The following FSTL4 variants were observed in gnomAD, a reference collection of about 807,000 sequenced individuals.
FSTL4 encodes the protein follistatin like 4, also known as follistatin-related protein 4.
Under a neutral mutation model 78.2 loss-of-function variants are expected in FSTL4, and 28 were observed. The observed-to-expected ratio is 0.36, with a 90% CI of 0.27 to 0.49. FSTL4 has a LOEUF of 0.49. Ranked by LOEUF, FSTL4 falls within the 20% of genes least tolerant of loss-of-function variation. The pLI is 0.98. For missense variants in FSTL4, 922 were observed against 1,084.9 expected, an observed-to-expected ratio of 0.85 and a Z score of 2.11; for synonymous variants, 422 against 440.5, an observed-to-expected ratio of 0.96 and a Z score of 0.53.
the FSTL4 span, among the ~76,000 whole-genome samples, chr5:133,707,394 C>A: frequency 6.6e-6 from 1 of 152,186 alleles, no homozygotes; most frequent in Non-Finnish European, 1.5e-5. Context: ...AAAGGTCAAT[C>A]AATCACTCCA....
At chr5:133,750,967 C>G in the FSTL4 span, among the ~76,000 whole-genome samples, 1 of 152,150 alleles carries the variant, frequency 6.6e-6, no homozygotes, top group Non-Finnish European at 1.5e-5. Flanking sequence ...GTGGGCCACT[C>G]TGCACTTCCA....
At chr5:133,643,855 C>T in the FSTL4 span, among the ~76,000 whole-genome samples, 5 of 152,104 alleles carry the variant, frequency 3.3e-5, no homozygotes, top group African/African-American at 7.2e-5. Context: ...CCCATACGTA[C>T]AAGGAGGAAG....
At chr5:133,762,272 G>A in the FSTL4 span, among the ~76,000 whole-genome samples, 1 of 152,102 alleles carries the variant, frequency 6.6e-6, no homozygotes, top group African/African-American at 2.4e-5. Context: ...TGCAAAGAGG[G>A]TCTTTCCATG....
chr5:133,523,320 A>G (rs761074498), intron 3 of FSTL4, among the ~76,000 whole-genome samples: 2 of 152,226 alleles, frequency 1.3e-5, no homozygotes, highest in Non-Finnish European at 2.9e-5. Context: ...CCCAGTCTGC[A>G]ATACTTTGTC....
intron 4 of FSTL4, among the ~76,000 whole-genome samples, chr5:133,399,625 G>T (rs1756166680): frequency 6.6e-6 from 1 of 152,202 alleles, no homozygotes; most frequent in Admixed American, 6.5e-5. Flanking sequence ...GTTCTGTGAG[G>T]GTGAGGCAGG....
the FSTL4 span, among the ~76,000 whole-genome samples, chr5:133,748,991 C>T: frequency 1.6e-4 from 25 of 152,236 alleles, no homozygotes; most frequent in Middle Eastern, 3.4e-3. Context: ...TGAACATATA[C>T]CCACCCTCTC....
chr5:133,721,254 T>C, the FSTL4 span, among the ~76,000 whole-genome samples: 15 of 152,236 alleles, frequency 9.9e-5, no homozygotes, highest in Non-Finnish European at 2.9e-5. Flanking sequence ...TCATCGTAGC[T>C]TTATTTATTT....
intron 4 of FSTL4, among the ~76,000 whole-genome samples, chr5:133,357,330 A>C (rs998960011): frequency 2.6e-5 from 4 of 152,074 alleles, no homozygotes; most frequent in African/African-American, 9.7e-5. Flanking sequence ...GACTGGAAGC[A>C]CTTCCTTCAC....
At chr5:133,822,085 C>T in the FSTL4 span, among the ~76,000 whole-genome samples, 1 of 152,324 alleles carries the variant, frequency 6.6e-6, no homozygotes, top group African/African-American at 2.4e-5. Flanking sequence ...AAGAGAAAAG[C>T]TGATATGACA....
intron 3 of FSTL4, among the ~76,000 whole-genome samples, chr5:133,566,262 T>C (rs1760024917): frequency 6.6e-6 from 1 of 152,192 alleles, no homozygotes; most frequent in South Asian, 2.1e-4. Flanking sequence ...TATCCATGTA[T>C]CAAAGCATGT....
intron 6 of FSTL4, among the ~76,000 whole-genome samples, chr5:133,258,546 G>A (rs565969905): frequency 7.9e-5 from 12 of 152,270 alleles, no homozygotes; most frequent in Non-Finnish European, 1.2e-4. Context: ...TATTGGTTCC[G>A]TAGAAGACAT....
At chr5:133,823,568 G>C in the FSTL4 span, among the ~76,000 whole-genome samples, 1 of 152,306 alleles carries the variant, frequency 6.6e-6, no homozygotes, top group Non-Finnish European at 1.5e-5. Flanking sequence ...TCTGAGAATA[G>C]CTCCCAGAGA....
At chr5:133,649,580 G>T in the FSTL4 span, among the ~76,000 whole-genome samples, 1 of 152,182 alleles carries the variant, frequency 6.6e-6, no homozygotes, top group South Asian at 2.1e-4. Flanking sequence ...TCTCATTGTT[G>T]TTTTAATTTG....
At chr5:133,816,212 A>G in the FSTL4 span, among the ~76,000 whole-genome samples, 1 of 152,174 alleles carries the variant, frequency 6.6e-6, no homozygotes, top group Non-Finnish European at 1.5e-5. Flanking sequence ...CCCTGCAGTG[A>G]GGGCACATGG....
intron 3 of FSTL4, among the ~76,000 whole-genome samples, chr5:133,417,810 T>C (rs1756607163): frequency 6.6e-6 from 1 of 151,374 alleles, no homozygotes; most frequent in African/African-American, 2.4e-5. Context: ...AATACAAAAA[T>C]TAGCCAGGCG....
the FSTL4 span, among the ~76,000 whole-genome samples, chr5:133,788,212 A>G: frequency 6.6e-6 from 1 of 152,158 alleles, no homozygotes; most frequent in South Asian, 2.1e-4. Flanking sequence ...GCACGGTGGG[A>G]GAGTCCAAGC....
the FSTL4 span, among the ~76,000 whole-genome samples, chr5:133,676,333 T>C: frequency 6.6e-6 from 1 of 152,204 alleles, no homozygotes; most frequent in Non-Finnish European, 1.5e-5. Context: ...TTCAATCCCT[T>C]TCAGATAGAT....
In FSTL4 at chr5:133,282,106, A is replaced by G. The variant is rs368030031; in HGVS notation, c.727+30548T>C. Among the ~76,000 whole-genome samples the G allele has an allele frequency of 2.5e-4, 38 of 152,302 alleles. No homozygotes were observed. In the East Asian group the frequency reaches 6.2e-3, roughly 25 times the overall value. On this transcript the variant is annotated intron_variant, in intron 6 of 15. Transcript: ENST00000265342. ...CCAGGGGAGGCAGATGAGAAGAGAC[A>G]TGGGAAATGCTTGGTGGGCATCTGT...
chr5:133,654,764 C>A, the FSTL4 span, among the ~76,000 whole-genome samples: 1 of 152,172 alleles, frequency 6.6e-6, no homozygotes. Flanking sequence ...TGATGGAGAG[C>A]GCCTGACACA....
Sources: gnomAD v4.1 joint callset for allele counts (sites outside exome capture counted in the v4.1 genomes callset) on GRCh38, gnomAD v4.1.1 for gene constraint, MANE v1.5 for transcripts, NCBI Gene and HGNC (gene_info 2026-07-23, HGNC 2026-07-21) for gene names.